Variants in LIN7A observed in about 807,000 individuals in gnomAD.
The protein encoded by LIN7A is lin-7 cell polarity scaffold A, also known as protein lin-7 homolog A.
A neutral mutation model predicts 29.8 loss-of-function variants in LIN7A; 25 were observed. The observed-to-expected ratio is 0.84, with a 90% confidence interval of 0.61 to 1.17. The LOEUF (loss-of-function observed/expected upper bound fraction) is 1.17. Ranked by LOEUF, LIN7A falls within the 50% of genes most tolerant of loss-of-function variation. LIN7A has a pLI of 0.00. For missense variants in LIN7A, 239 were observed against 287.0 expected (o/e 0.83, Z 1.21); for synonymous variants, 118 against 107.5 (o/e 1.10, Z -0.60).
intron 4 of LIN7A, among the ~76,000 whole-genome samples, chr12:80,815,977 A>C (rs1356809951): frequency 6.6e-6 from 1 of 152,166 alleles, no homozygotes; most frequent in African/African-American, 2.4e-5. Flanking sequence ...AATGTTACCT[A>C]CCCCAAAATT....
intron 1 of LIN7A, among the ~76,000 whole-genome samples, chr12:80,921,988 T>G (rs1008348372): frequency 6.6e-6 from 1 of 152,216 alleles, no homozygotes; most frequent in Non-Finnish European, 1.5e-5. Context: ...TAATGTGCAT[T>G]AAATTCTACT....
At chr12:80,835,611 T>G (rs7486624) in intron 4 of LIN7A, among the ~76,000 whole-genome samples, 11,833 of 152,154 alleles carry the variant, frequency 0.078, 605 homozygotes, top group East Asian at 0.21. Context: ...AAGAAAAAAT[T>G]TATAGTTACT....
chr12:80,807,473 G>A (rs1464254255), intron 5 of LIN7A, among the ~76,000 whole-genome samples: 3 of 149,650 alleles, frequency 2.0e-5, no homozygotes, highest in Non-Finnish European at 4.4e-5. Flanking sequence ...AAAGATGATT[G>A]AATGAGCATA....
chr12:80,908,730 C>T (rs955188298), intron 1 of LIN7A, among the ~76,000 whole-genome samples: 1 of 151,962 alleles, frequency 6.6e-6, no homozygotes, highest in Admixed American at 6.6e-5. Context: ...CTTTTTTTCT[C>T]TAAATACTAA....
In LIN7A at chr12:80,804,705, A is replaced by AT. The variant is rs374070730; in HGVS notation, c.*6759dup. On this transcript the variant is annotated intron_variant, in intron 5 of 5. Transcript: ENST00000552864. The stretch of plus-strand genomic sequence containing the variant: ...AGGCGTGTGTCACCAGCTCTGGCTA[A>AT]TTTTTTTTTTTCTTTTTTTTGTATT... Among the ~76,000 whole-genome samples, 804 of 146,886 alleles carry AT rather than the reference A, an allele frequency of 5.5e-3. 1 individual carries two copies. Among genetic ancestry groups the AT allele is most frequent in the African/African-American group, 0.018 (736 of 40,092 alleles).
At chr12:80,830,478 G>A (rs1872292994) in intron 4 of LIN7A, among the ~76,000 whole-genome samples, 1 of 152,126 alleles carries the variant, frequency 6.6e-6, no homozygotes, top group Admixed American at 6.6e-5. Flanking sequence ...AGAAGCCCTG[G>A]AAGGAAGTAT....
chr12:80,848,613 A>T (rs1198090878), intron 2 of LIN7A, among the ~76,000 whole-genome samples: 1 of 152,078 alleles, frequency 6.6e-6, no homozygotes, highest in Non-Finnish European at 1.5e-5. Context: ...GGTAAAATAA[A>T]TTGCTTAAAC....
intron 2 of LIN7A, among the ~76,000 whole-genome samples, chr12:80,851,353 GTCT>G (rs967358674): frequency 2.0e-5 from 3 of 148,234 alleles, no homozygotes; most frequent in Admixed American, 6.6e-5. Context: ...ATAATTGCTA[GTCT>G]TTTTTTTTTT....
intron 1 of LIN7A, among the ~76,000 whole-genome samples, chr12:80,908,093 CAA>C (rs1876577952): frequency 6.6e-6 from 1 of 152,076 alleles, no homozygotes; most frequent in African/African-American, 2.4e-5. Flanking sequence ...AAAACCAGTA[CAA>C]AGATACTTGA....
chr12:80,800,033 C>G lies in LIN7A; in HGVS notation c.*1-2307G>C, dbSNP rs989574755. Among the ~76,000 whole-genome samples the G allele has an allele frequency of 2.6e-5, 4 of 151,970 alleles. No homozygotes were observed. The East Asian group carries it at 7.7e-4, about 29-fold the overall frequency. On this transcript the variant is annotated intron_variant, in intron 5 of 5. Coordinates refer to ENST00000552864, the MANE Select transcript of LIN7A (RefSeq NM_004664.4). ...TAAAATCAATAAACTTCTAGCCAAGCTAACAAAAAGGAAGAGAAGACACAA... is the reference window on the plus strand; with the variant it reads ...TAAAATCAATAAACTTCTAGCCAAGGTAACAAAAAGGAAGAGAAGACACAA...
intron 4 of LIN7A, chr12:80,841,978 A>G: frequency 8.3e-7 from 1 of 1,205,884 alleles, no homozygotes. Flanking sequence ...AGGCCTCTGT[A>G]TTTTCTATGG....
chr12:80,819,328 T>A (rs1871686656), intron 4 of LIN7A, among the ~76,000 whole-genome samples: 1 of 152,232 alleles, frequency 6.6e-6, no homozygotes, highest in Non-Finnish European at 1.5e-5. Context: ...CTAAATGTAG[T>A]CTTTTTTGAT....
intron 5 of LIN7A, among the ~76,000 whole-genome samples, chr12:80,808,280 T>C (rs572962162): frequency 6.6e-6 from 1 of 152,330 alleles, no homozygotes; most frequent in East Asian, 1.9e-4. Flanking sequence ...TACCAAGCAG[T>C]TCTCTATTTA....
chr12:80,809,103 A>T (rs1473021953), intron 5 of LIN7A, among the ~76,000 whole-genome samples: 6 of 151,826 alleles, frequency 4.0e-5, no homozygotes, highest in Admixed American at 2.6e-4. Flanking sequence ...CTCCTGCCTC[A>T]GCCTCCCAAG....
intron 4 of LIN7A, among the ~76,000 whole-genome samples, chr12:80,829,955 C>A (rs184030686): frequency 6.6e-6 from 1 of 152,186 alleles, no homozygotes. Context: ...AATGCACTCT[C>A]GTGCTTAAAA....
intron 4 of LIN7A, among the ~76,000 whole-genome samples, chr12:80,836,306 C>G (rs183464362): frequency 4.6e-5 from 7 of 152,290 alleles, no homozygotes; most frequent in Admixed American, 4.6e-4. Flanking sequence ...TGATAACAGA[C>G]TCTTCTCCTT....
At chr12:80,894,584 G>C (rs1468823342) in intron 1 of LIN7A, among the ~76,000 whole-genome samples, 1 of 152,114 alleles carries the variant, frequency 6.6e-6, no homozygotes, top group Non-Finnish European at 1.5e-5. Context: ...ATTTTGGAAA[G>C]TGAAACCACA....
chr12:80,802,260 A>G (rs1870758171), intron 5 of LIN7A, among the ~76,000 whole-genome samples: 1 of 152,148 alleles, frequency 6.6e-6, no homozygotes, highest in South Asian at 2.1e-4. Flanking sequence ...TGCCTGGCTT[A>G]TTTCATTTAG....
chr12:80,863,501 G>T (rs1485447857), intron 2 of LIN7A, among the ~76,000 whole-genome samples: 1 of 152,080 alleles, frequency 6.6e-6, no homozygotes, highest in Non-Finnish European at 1.5e-5. Flanking sequence ...GATTTTATTT[G>T]GCTTGAATTA....
Sources: gnomAD v4.1 joint callset for allele counts (sites outside exome capture counted in the v4.1 genomes callset) on GRCh38, gnomAD v4.1.1 for gene constraint, MANE v1.5 for transcripts, NCBI Gene and HGNC (gene_info 2026-07-23, HGNC 2026-07-21) for gene names.